Variants in NPAS3 observed in about 807,000 individuals in gnomAD.
NPAS3 encodes neuronal PAS domain-containing protein 3.
A neutral mutation model predicts 73.1 loss-of-function variants in NPAS3; 14 were observed. The ratio of observed to expected loss-of-function variants is 0.19; its 90% CI spans 0.13 to 0.30. The LOEUF is 0.30. NPAS3 is among the 10% of genes least tolerant of loss of function. The pLI, the probability that NPAS3 is intolerant of heterozygous loss-of-function variation, is 1.00. For missense variants in NPAS3, 1,096 were observed against 1,250.0 expected, an observed-to-expected ratio of 0.88 and a Z score of 1.86; for synonymous variants, 620 against 541.5, an observed-to-expected ratio of 1.14 and a Z score of -2.01.
intron 3 of NPAS3, among the ~76,000 whole-genome samples, chr14:33,288,215 T>C (rs2041956687): frequency 6.6e-6 from 1 of 152,174 alleles, no homozygotes; most frequent in Admixed American, 6.6e-5. Context: ...TAATAGCCAG[T>C]TCATGGTCTG....
chr14:32,969,451 T>C (rs945220020), intron 1 of NPAS3, among the ~76,000 whole-genome samples: 12 of 152,154 alleles, frequency 7.9e-5, no homozygotes, highest in Admixed American at 5.9e-4. Flanking sequence ...GTACTAATAA[T>C]ATGCCAAAGT....
chr14:33,279,197 G>A (rs982341737), intron 3 of NPAS3, among the ~76,000 whole-genome samples: 1 of 152,068 alleles, frequency 6.6e-6, no homozygotes, highest in Admixed American at 6.6e-5. Context: ...GTGGTTCCGG[G>A]ACCATACTTA....
chr14:33,021,275 G>C (rs1566473872), intron 1 of NPAS3, among the ~76,000 whole-genome samples: 1 of 152,268 alleles, frequency 6.6e-6, no homozygotes, highest in South Asian at 2.1e-4. Context: ...CAAAGATTAG[G>C]CAATGTTCTA....
At chr14:33,656,395 T>C (rs906538206) in intron 5 of NPAS3, among the ~76,000 whole-genome samples, 2 of 152,178 alleles carry the variant, frequency 1.3e-5, no homozygotes, top group Admixed American at 1.3e-4. Context: ...CAAGAGTAAG[T>C]TGTAAAAGTC....
At chr14:33,091,554 C>T (rs995224564) in intron 2 of NPAS3, among the ~76,000 whole-genome samples, 1 of 152,088 alleles carries the variant, frequency 6.6e-6, no homozygotes, top group Non-Finnish European at 1.5e-5. Context: ...CGAATTCTAC[C>T]AGAGGTATAA....
intron 3 of NPAS3, among the ~76,000 whole-genome samples, chr14:33,325,088 T>A (rs1311306603): frequency 6.6e-6 from 1 of 152,172 alleles, no homozygotes; most frequent in Non-Finnish European, 1.5e-5. Context: ...AACTATATAC[T>A]GGTATGTGGA....
chr14:33,199,674 C>T (rs191294621), intron 2 of NPAS3, among the ~76,000 whole-genome samples: 2 of 152,036 alleles, frequency 1.3e-5, no homozygotes, highest in East Asian at 3.9e-4. Context: ...CTCTACCTTT[C>T]CTTTTCCTTC....
intron 2 of NPAS3, among the ~76,000 whole-genome samples, chr14:33,113,443 G>A (rs1406978687): frequency 1.3e-5 from 2 of 152,132 alleles, no homozygotes; most frequent in Non-Finnish European, 2.9e-5. Flanking sequence ...GTGAATGGGA[G>A]TCACTCATGA....
At chr14:33,390,234 A>G (rs992361344) in intron 4 of NPAS3, among the ~76,000 whole-genome samples, 3 of 152,122 alleles carry the variant, frequency 2.0e-5, no homozygotes, top group African/African-American at 7.2e-5. Flanking sequence ...CAGAAAAGAG[A>G]ATACTTTTTT....
intron 5 of NPAS3, among the ~76,000 whole-genome samples, chr14:33,603,896 C>A (rs2057474646): frequency 6.6e-6 from 1 of 151,768 alleles, no homozygotes; most frequent in African/African-American, 2.4e-5. Flanking sequence ...GCACCAAGTT[C>A]AGGAGGGGAA....
intron 2 of NPAS3, among the ~76,000 whole-genome samples, chr14:33,074,089 C>T (rs1425032576): frequency 6.6e-6 from 1 of 152,052 alleles, no homozygotes; most frequent in Non-Finnish European, 1.5e-5. Context: ...CAACAGGATT[C>T]AATCAGGAAA....
chr14:33,770,081 T>G (rs563938102), intron 7 of NPAS3, among the ~76,000 whole-genome samples: 1 of 152,148 alleles, frequency 6.6e-6, no homozygotes, highest in South Asian at 2.1e-4. Context: ...ACTTTAAAAA[T>G]GTCTATGAAT....
chr14:32,934,798 G>A (rs2035644465), upstream of NPAS3: 1 of 243,000 alleles, frequency 4.1e-6, no homozygotes, highest in Non-Finnish European at 6.7e-6. This position sits in a 1 kb window ranked among gnomAD's most constrained non-coding sequence, Gnocchi z 4.1. Flanking sequence ...CCGAGCCCCC[G>A]CCAGCCAGAG....
chr14:32,937,111 AG>A (rs965521509), upstream of NPAS3, among the ~76,000 whole-genome samples: 2 of 151,576 alleles, frequency 1.3e-5, no homozygotes, highest in Non-Finnish European at 2.9e-5. Flanking sequence ...AAATAGGGGG[AG>A]GGGGGCAGAG....
chr14:33,293,952 A>C (rs78038600), intron 3 of NPAS3, among the ~76,000 whole-genome samples: 237 of 152,332 alleles, frequency 1.6e-3, no homozygotes, highest in Non-Finnish European at 2.7e-3. Flanking sequence ...AACATTTATT[A>C]AATAGTGTAG....
At chr14:33,221,243 A>T (rs1029267073) in intron 3 of NPAS3, among the ~76,000 whole-genome samples, 1 of 152,168 alleles carries the variant, frequency 6.6e-6, no homozygotes, top group African/African-American at 2.4e-5. Flanking sequence ...GTGGCTCAGA[A>T]CTGTCATGGT....
chr14:33,219,053 C>T (rs1168094920), intron 3 of NPAS3, among the ~76,000 whole-genome samples: 3 of 152,106 alleles, frequency 2.0e-5, no homozygotes, highest in African/African-American at 7.2e-5. Flanking sequence ...TGTTATAATA[C>T]AGATCAAATC....
intron 1 of NPAS3, among the ~76,000 whole-genome samples, chr14:33,003,988 T>A (rs1280577016): frequency 6.6e-6 from 1 of 152,188 alleles, no homozygotes; most frequent in Admixed American, 6.5e-5. Flanking sequence ...ATCCTGGTCA[T>A]AGCACCTATT....
chr14:33,413,197 T>G (rs2048003846), intron 4 of NPAS3, among the ~76,000 whole-genome samples: 1 of 152,134 alleles, frequency 6.6e-6, no homozygotes, highest in Admixed American at 6.5e-5. Flanking sequence ...CTCTCATATG[T>G]GAGGACAACA....
Sources: gnomAD v4.1 joint callset for allele counts (sites outside exome capture counted in the v4.1 genomes callset) on GRCh38, gnomAD v4.1.1 for gene constraint, Gnocchi (gnomAD v3.1) non-coding constraint, MANE v1.5 for transcripts, NCBI Gene and HGNC (gene_info 2026-07-23, HGNC 2026-07-21) for gene names.